Variants in COG5 observed in about 807,000 individuals in gnomAD.
COG5 encodes component of oligomeric golgi complex 5.
COG5 carries 86 observed loss-of-function variants against 110.4 expected under a neutral mutation model. That is an observed-to-expected ratio of 0.78 (90% confidence interval 0.65 to 0.93). The LOEUF (loss-of-function observed/expected upper bound fraction) is 0.93. COG5 is among the 40% of genes least tolerant of loss of function. The probability of loss-of-function intolerance (pLI) is 0.00; values close to 1 mark genes in which losing one functional copy is unlikely to be tolerated. For missense variants in COG5, 1,077 were observed against 987.0 expected (o/e 1.09, Z -1.22); for synonymous variants, 360 against 334.6 (o/e 1.08, Z -0.83).
At chr7:107,536,207 C>T (rs1801571604) in intron 5 of COG5, among the ~76,000 whole-genome samples, 1 of 151,816 alleles carries the variant, frequency 6.6e-6, no homozygotes, top group Non-Finnish European at 1.5e-5. Context: ...TGAAAACTGG[C>T]ACAAGTCAAG....
chr7:107,475,195 A>G (rs772798074), intron 6 of COG5: 4 of 1,612,022 alleles, frequency 2.5e-6, no homozygotes, highest in Non-Finnish European at 3.4e-6. Flanking sequence ...AAAGGTCTTG[A>G]AAAGTAAAAT....
chr7:107,534,762 A>G (rs1801460276), intron 5 of COG5, among the ~76,000 whole-genome samples: 1 of 151,550 alleles, frequency 6.6e-6, no homozygotes, highest in Admixed American at 6.6e-5. Context: ...CAGATCAACG[A>G]AACAGAAAAT....
At chr7:107,295,066 C>T (rs796742003) in intron 12 of COG5, among the ~76,000 whole-genome samples, 1,805 of 45,766 alleles carry the variant, frequency 0.039, 36 homozygotes, top group Non-Finnish European at 0.051. Context: ...CACACACACA[C>T]ATATATATAT....
chr7:107,555,067 A>T (rs1047480001), intron 2 of COG5, among the ~76,000 whole-genome samples: 2 of 152,226 alleles, frequency 1.3e-5, no homozygotes, highest in African/African-American at 4.8e-5. Context: ...CACCAAGGCT[A>T]CATCCTACTC....
In COG5 at chr7:107,474,833, A is replaced by C. The variant is rs1422981408; in HGVS notation, c.538+52404T>G. On this transcript the variant is annotated intron_variant, in intron 6 of 21. Transcript: ENST00000297135. The surrounding 1 kb of genome is among the most constrained non-coding windows in gnomAD (Gnocchi z 5.7). ...CAGAAGAAGAAAGCAAGAAAGAAAAAGACAATTTCTCTAACCACACAACAT... is the reference window on the plus strand; with the variant it reads ...CAGAAGAAGAAAGCAAGAAAGAAAACGACAATTTCTCTAACCACACAACAT... The C allele has an allele frequency of 1.2e-6, 2 of 1,613,256 alleles. No homozygotes were observed. Among genetic ancestry groups the C allele is most frequent in the South Asian group, 2.2e-5 (2 of 91,046 alleles).
chr7:107,323,063 T>C (rs1013148221), intron 11 of COG5, among the ~76,000 whole-genome samples: 1 of 152,234 alleles, frequency 6.6e-6, no homozygotes, highest in African/African-American at 2.4e-5. Context: ...ATATCTTAAT[T>C]GTAATGATGG....
chr7:107,245,907 GGC>G (rs1348134006), intron 17 of COG5, among the ~76,000 whole-genome samples: 10 of 152,148 alleles, frequency 6.6e-5, no homozygotes, highest in Non-Finnish European at 1.5e-4. Flanking sequence ...GAATAGCCAA[GGC>G]AATCCTAAGC....
intron 6 of COG5, among the ~76,000 whole-genome samples, chr7:107,492,168 A>AGTGTGTGTGTGTGTGTGTGTGTGTGT (rs61526384): frequency 7.1e-5 from 10 of 141,638 alleles, no homozygotes; most frequent in Non-Finnish European, 1.2e-4. Context: ...AACAATGGGT[A>AGTGTGTGTGTGTGTGTGTGTGTGTGT]GTGTGTGTGT....
rs544610199 is a variant in COG5, at chr7:107,351,444, C to A, written c.1026+10589G>T. Among the ~76,000 whole-genome samples, 360 of 152,212 alleles carry A rather than the reference C, an allele frequency of 2.4e-3. 2 individuals are homozygous for A. The highest frequency in any genetic ancestry group is 7.4e-3 in the African/African-American group (306 of 41,518). ...ACACCAAAAGCGATGGCAACAAAAG[C>A]CAAAATTGACAAATGGGATCTAATT... On this transcript the variant is annotated intron_variant, in intron 10 of 21. Coordinates refer to ENST00000297135, the MANE Select transcript of COG5 (RefSeq NM_006348.5).
chr7:107,210,197 A>G (rs1444617930), intron 21 of COG5: 1 of 1,167,434 alleles, frequency 8.6e-7, no homozygotes, highest in African/African-American at 1.5e-5. Context: ...CATAAAAATG[A>G]AGTAAAAGAT....
intron 6 of COG5, among the ~76,000 whole-genome samples, chr7:107,487,723 TAA>T (rs34602094): frequency 4.2e-5 from 6 of 143,962 alleles, no homozygotes; most frequent in Non-Finnish European, 9.2e-5. Context: ...TCTATACCAG[TAA>T]AAAAAAAAAG....
At chr7:107,384,828 A>G (rs919192735) in intron 7 of COG5, among the ~76,000 whole-genome samples, 6 of 152,176 alleles carry the variant, frequency 3.9e-5, no homozygotes, top group African/African-American at 1.2e-4. Flanking sequence ...AGACTTTCCA[A>G]TCTCTAGAAC....
chr7:107,284,390 T>A (rs1313479144), intron 12 of COG5, among the ~76,000 whole-genome samples: 1 of 152,198 alleles, frequency 6.6e-6, no homozygotes, highest in Non-Finnish European at 1.5e-5. Flanking sequence ...TATAGAGTTA[T>A]CGAAGCATAT....
intron 18 of COG5, among the ~76,000 whole-genome samples, chr7:107,232,570 C>T (rs997201248): frequency 1.3e-5 from 2 of 152,006 alleles, no homozygotes; most frequent in African/African-American, 2.4e-5. Flanking sequence ...GAAAAAGTTA[C>T]GATATGAGAA....
In COG5 at chr7:107,474,839, T is replaced by C. The variant is rs777860744; in HGVS notation, c.538+52398A>G. Reference sequence around the variant, plus strand: ...AAGAAAGCAAGAAAGAAAAAGACAATTTCTCTAACCACACAACATGAGGCT... The same window carrying C: ...AAGAAAGCAAGAAAGAAAAAGACAACTTCTCTAACCACACAACATGAGGCT... On this transcript the variant is annotated intron_variant, in intron 6 of 21. Transcript: ENST00000297135. The surrounding 1 kb of genome is among the most constrained non-coding windows in gnomAD (Gnocchi z 5.7). 4 of 1,613,062 alleles carry C rather than the reference T, an allele frequency of 2.5e-6. No homozygotes were observed. Among genetic ancestry groups the C allele is most frequent in the Non-Finnish European group, 3.4e-6 (4 of 1,179,574 alleles).
chr7:107,397,208 G>A (rs1301750882), intron 7 of COG5, among the ~76,000 whole-genome samples: 3 of 152,126 alleles, frequency 2.0e-5, no homozygotes, highest in Non-Finnish European at 2.9e-5. Context: ...ATTTGGGGAA[G>A]GATATTATAA....
intron 21 of COG5, among the ~76,000 whole-genome samples, chr7:107,203,851 A>C (rs945674155): frequency 2.0e-5 from 3 of 152,220 alleles, no homozygotes; most frequent in Admixed American, 6.5e-5. Context: ...CCATGTTTTC[A>C]GTCTGCATTG....
chr7:107,283,443 TTC>T lies in COG5; in HGVS notation c.1475+126_1475+127del. ...ATGTGTGCACTCATTTACTATAAAATTCTTAATTTAATTGTGGGCCTAATTAC... is the reference window on the plus strand; with the variant it reads ...ATGTGTGCACTCATTTACTATAAAATTTAATTTAATTGTGGGCCTAATTAC... On this transcript the variant is annotated intron_variant, in intron 13 of 21. Coordinates refer to ENST00000297135, the MANE Select transcript of COG5 (RefSeq NM_006348.5). 3 of 765,008 alleles carry T rather than the reference TTC, an allele frequency of 3.9e-6. No individual in the cohort carries two copies. The East Asian group carries it at 8.1e-5, about 21-fold the overall frequency. The allele number at this position is 765,008 out of a possible 1,614,324, so 47.4% of individuals were successfully genotyped here. A position where few individuals can be genotyped will look rare whatever the true frequency, so the allele number is the denominator to read the frequency against.
intron 7 of COG5, among the ~76,000 whole-genome samples, chr7:107,398,817 G>C (rs1791213718): frequency 6.6e-6 from 1 of 152,102 alleles, no homozygotes; most frequent in Admixed American, 6.6e-5. Flanking sequence ...GTAGGAGGAG[G>C]AACTGACTAC....
Sources: gnomAD v4.1 joint callset for allele counts (sites outside exome capture counted in the v4.1 genomes callset) on GRCh38, gnomAD v4.1.1 for gene constraint, Gnocchi (gnomAD v3.1) non-coding constraint, MANE v1.5 for transcripts, NCBI Gene and HGNC (gene_info 2026-07-23, HGNC 2026-07-21) for gene names.